The following CDK14 variants were observed in gnomAD, a reference collection of about 807,000 sequenced individuals.
CDK14 encodes the protein cyclin-dependent kinase 14.
A neutral mutation model predicts 60.7 loss-of-function variants in CDK14; 34 were observed. The observed-to-expected ratio is 0.56, with a 90% CI of 0.43 to 0.75. The LOEUF (loss-of-function observed/expected upper bound fraction) is 0.75, where lower values mean the gene tolerates loss of function less well. CDK14 is among the 30% of genes least tolerant of loss of function. The pLI is 0.00. For missense variants in CDK14, 482 were observed against 564.1 expected, an observed-to-expected ratio of 0.85 and a Z score of 1.47; for synonymous variants, 197 against 203.7, an observed-to-expected ratio of 0.97 and a Z score of 0.28.
chr7:90,741,078 C>T (rs1285603506), intron 3 of CDK14, among the ~76,000 whole-genome samples: 1 of 152,078 alleles, frequency 6.6e-6, no homozygotes, highest in Non-Finnish European at 1.5e-5. Flanking sequence ...GAATTGACCC[C>T]ACATTGAATG....
intron 3 of CDK14, among the ~76,000 whole-genome samples, chr7:90,742,605 T>A (rs1803393202): frequency 6.6e-6 from 1 of 152,042 alleles, no homozygotes; most frequent in Non-Finnish European, 1.5e-5. Flanking sequence ...CCTACCGTGT[T>A]CTTTGTTGCT....
At position 91,151,773 on chromosome 7, in the gene CDK14, G is replaced by A. The variant is rs186407347; in HGVS notation, c.*28+33565G>A. Among the ~76,000 whole-genome samples the A allele has an allele frequency of 1.9e-3, 287 of 152,274 alleles. 2 individuals are homozygous for A. Among genetic ancestry groups the A allele is most frequent in the African/African-American group, 6.5e-3 (270 of 41,558 alleles). On this transcript the variant is annotated intron_variant, in intron 14 of 14. Transcript: ENST00000380050. ...CATACTCATGCCTAGATGGGTGACA[G>A]AATTCAGTGGTAGCTAAATGCCTAC...
intron 14 of CDK14, among the ~76,000 whole-genome samples, chr7:91,131,516 T>C (rs1274268849): frequency 6.6e-6 from 1 of 152,140 alleles, no homozygotes; most frequent in African/African-American, 2.4e-5. Context: ...ACAACAAGGC[T>C]GTCTAATGTC....
At position 90,868,108 on chromosome 7, in the gene CDK14, T is replaced by A. The variant is rs559587061; in HGVS notation, c.639+4839T>A. Among the ~76,000 whole-genome samples, 14 of 152,144 alleles carry A rather than the reference T, an allele frequency of 9.2e-5. No homozygotes were observed. In the South Asian group the frequency reaches 2.7e-3, roughly 29 times the overall value. ...TTGTACCACTAGACTGGACTCTGGATGGCAGAGCAAGAATTTGTCTCTAAA... is the reference window on the plus strand; with the variant it reads ...TTGTACCACTAGACTGGACTCTGGAAGGCAGAGCAAGAATTTGTCTCTAAA... On this transcript the variant is annotated intron_variant, in intron 6 of 14. Coordinates refer to ENST00000380050, the MANE Select transcript of CDK14 (RefSeq NM_001287135.2).
intron 12 of CDK14, among the ~76,000 whole-genome samples, chr7:91,087,352 A>G (rs998390148): frequency 6.6e-6 from 1 of 152,168 alleles, no homozygotes; most frequent in African/African-American, 2.4e-5. Flanking sequence ...TAGCAAAGAA[A>G]AAAACAGAAG....
intron 2 of CDK14, among the ~76,000 whole-genome samples, chr7:90,664,728 T>G (rs1054353492): frequency 4.4e-5 from 6 of 136,612 alleles, no homozygotes; most frequent in South Asian, 2.2e-4. Flanking sequence ...TCATAGGTGG[T>G]AATCGAACAA....
chr7:91,178,590 A>G (rs1160519535), intron 14 of CDK14, among the ~76,000 whole-genome samples: 3 of 152,202 alleles, frequency 2.0e-5, no homozygotes, highest in Admixed American at 1.3e-4. Context: ...TCCAGAATCT[A>G]CAACAAACTC....
intron 9 of CDK14, among the ~76,000 whole-genome samples, chr7:90,972,825 A>C (rs7788101): frequency 0.23 from 34,652 of 152,144 alleles, 4,234 homozygotes; most frequent in Middle Eastern, 0.31. Flanking sequence ...AAATTCCTTT[A>C]CATTATCGCC....
At chr7:90,729,743 C>A (rs1584829721) in intron 3 of CDK14, among the ~76,000 whole-genome samples, 1 of 151,698 alleles carries the variant, frequency 6.6e-6, no homozygotes, top group Admixed American at 6.6e-5. Context: ...ATTCAATGTG[C>A]CCTGGAAAAA....
chr7:90,921,359 G>A (rs1004225690), intron 8 of CDK14, among the ~76,000 whole-genome samples: 1 of 151,866 alleles, frequency 6.6e-6, no homozygotes. Flanking sequence ...CTCTTCAAAG[G>A]GGCCCCCTTT....
chr7:90,649,252 C>CTTTCTTTCTTTGTTTCTTTG (rs1800538383), intron 2 of CDK14, among the ~76,000 whole-genome samples: 48 of 45,438 alleles, frequency 1.1e-3, no homozygotes, highest in South Asian at 2.3e-3. Flanking sequence ...TTCTTTCTTT[C>CTTTCTTTCTTTGTTTCTTTG]TTTCTTTCTT....
At chr7:90,778,296 T>G (rs1805137307) in intron 4 of CDK14, among the ~76,000 whole-genome samples, 1 of 152,352 alleles carries the variant, frequency 6.6e-6, no homozygotes, top group Non-Finnish European at 1.5e-5. Flanking sequence ...CAGGAAGTAA[T>G]GGAGTCATCC....
At chr7:90,967,648 A>G (rs762708855) in intron 9 of CDK14, among the ~76,000 whole-genome samples, 2 of 152,228 alleles carry the variant, frequency 1.3e-5, no homozygotes, top group African/African-American at 2.4e-5. Context: ...ATGCAAGTTA[A>G]TAAAATGTGA....
At position 91,115,865 on chromosome 7, in the gene CDK14, C is replaced by T. The variant is rs11772442; in HGVS notation, c.1295-2200C>T. On this transcript the variant is annotated intron_variant, in intron 13 of 14. Coordinates refer to ENST00000380050, the MANE Select transcript of CDK14 (RefSeq NM_001287135.2). ...TAATATCTTTCTTTAGTATACTATTCCTTAAAACCTCATCAGGTTACATAG... is the reference window on the plus strand; with the variant it reads ...TAATATCTTTCTTTAGTATACTATTTCTTAAAACCTCATCAGGTTACATAG... 5.2e-3 allele frequency among the ~76,000 whole-genome samples: 792 copies of T among 152,226 alleles called. 8 individuals carry two copies. Among genetic ancestry groups the T allele is most frequent in the Middle Eastern group, 0.01 (3 of 294 alleles).
intron 8 of CDK14, among the ~76,000 whole-genome samples, chr7:90,932,712 A>G (rs1793631420): frequency 6.6e-6 from 1 of 152,220 alleles, no homozygotes; most frequent in South Asian, 2.1e-4. Flanking sequence ...CTGTGTGGTA[A>G]GAGTCTGAGT....
intron 2 of CDK14, among the ~76,000 whole-genome samples, chr7:90,641,368 A>G (rs908931250): frequency 1.3e-5 from 2 of 152,196 alleles, no homozygotes; most frequent in African/African-American, 2.4e-5. Context: ...AAATGTGGGA[A>G]CAATCCCAAT....
At chr7:90,759,054 T>TAAAAAAAA (rs66582106) in intron 4 of CDK14, among the ~76,000 whole-genome samples, 2 of 134,722 alleles carry the variant, frequency 1.5e-5, no homozygotes, top group African/African-American at 5.6e-5. Flanking sequence ...AGACTCTGTC[T>TAAAAAAAA]AAAAAAAAAA....
intron 6 of CDK14, among the ~76,000 whole-genome samples, chr7:90,875,783 A>G (rs1407961019): frequency 6.6e-6 from 1 of 151,332 alleles, no homozygotes; most frequent in Non-Finnish European, 1.5e-5. Context: ...TTTTTTCTTT[A>G]GCTCAACATT....
chr7:91,159,996 T>C (rs1289685695), intron 14 of CDK14, among the ~76,000 whole-genome samples: 2 of 152,222 alleles, frequency 1.3e-5, no homozygotes, highest in Admixed American at 1.3e-4. Context: ...TCATTTTTAC[T>C]GGTTAACAGC....
Sources: gnomAD v4.1 joint callset for allele counts (sites outside exome capture counted in the v4.1 genomes callset) on GRCh38, gnomAD v4.1.1 for gene constraint, MANE v1.5 for transcripts, NCBI Gene and HGNC (gene_info 2026-07-23, HGNC 2026-07-21) for gene names.